EIF4G3: variants seen among roughly 807,000 people sequenced by gnomAD.
EIF4G3 encodes eukaryotic translation initiation factor 4 gamma 3, also known as eIF-4-gamma 3.
Under a neutral mutation model 186.4 loss-of-function variants are expected in EIF4G3, and 34 were observed. The ratio of observed to expected loss-of-function variants is 0.18; its 90% confidence interval spans 0.14 to 0.24. The LOEUF (loss-of-function observed/expected upper bound fraction) is 0.24. Among genes scored for constraint, EIF4G3 ranks in the 10% least tolerant of loss-of-function variants. The probability of loss-of-function intolerance (pLI) is 1.00; values close to 1 mark genes in which losing one functional copy is unlikely to be tolerated. For missense variants in EIF4G3, 1,536 were observed against 1,948.5 expected (o/e 0.79, Z 3.99); for synonymous variants, 673 against 679.5 (o/e 0.99, Z 0.15).
At chr1:20,839,715 C>T (rs906617765) in intron 30 of EIF4G3, among the ~76,000 whole-genome samples, 3 of 150,328 alleles carry the variant, frequency 2.0e-5, no homozygotes, top group African/African-American at 7.3e-5. Flanking sequence ...TTTCAGACTC[C>T]TGATCTCAAG....
intron 30 of EIF4G3, among the ~76,000 whole-genome samples, chr1:20,830,733 C>T (rs1437544672): frequency 6.6e-6 from 1 of 152,070 alleles, no homozygotes; most frequent in Admixed American, 6.6e-5. Context: ...TTTTTTATGC[C>T]TTGATCAGTC....
chr1:20,863,444 T>TC (rs1261172834), intron 22 of EIF4G3, among the ~76,000 whole-genome samples: 7 of 144,952 alleles, frequency 4.8e-5, no homozygotes, highest in South Asian at 2.1e-4. Flanking sequence ...TTTTTTTTTT[T>TC]CCTTTTTTTT....
At chr1:20,878,443 T>C (rs1191969127) in intron 20 of EIF4G3, among the ~76,000 whole-genome samples, 1 of 152,172 alleles carries the variant, frequency 6.6e-6, no homozygotes, top group African/African-American at 2.4e-5. Context: ...TTTTAAGTAA[T>C]TTTTTTCTTG....
chr1:20,969,518 T>C lies in EIF4G3; in HGVS notation c.670A>G (p.Thr224Ala). The change falls in exon 12 of 37, where the codon ACT (threonine) becomes GCT (alanine). Residue 224 changes from threonine to alanine, a missense_variant. Physicochemically the swap from Thr to Ala is moderately conservative, Grantham distance 58. Coordinates refer to ENST00000602326, the MANE Select transcript of EIF4G3 (RefSeq NM_001391906.1). ...GACGTGGGTCTTCCTATGGGTGGAG[T>C]AGGATTTCTGCTGCCACCTCCAGAC... ...IMSGGGSRNPTPPIGRPTSTP... is the reference protein window; with the variant it reads ...IMSGGGSRNPAPPIGRPTSTP... 1.2e-6 allele frequency: 2 copies of C among 1,613,918 alleles called. No homozygotes were observed. Among genetic ancestry groups the C allele is most frequent in the Admixed American group, 1.7e-5 (1 of 60,002 alleles).
At chr1:21,015,010 T>A (rs1332344479) in intron 4 of EIF4G3, among the ~76,000 whole-genome samples, 2 of 146,332 alleles carry the variant, frequency 1.4e-5, no homozygotes, top group Non-Finnish European at 3.0e-5. Context: ...AGGAGAGACC[T>A]AAATGAAATC....
chr1:20,817,333 G>A, intron 34 of EIF4G3, 59 bp downstream of exon 34: 1 of 1,217,140 alleles, frequency 8.2e-7, no homozygotes, highest in South Asian at 2.6e-5. Context: ...GCGAATTAAG[G>A]GGATCCCACA....
chr1:21,133,232 C>CT (rs938159102), intron 2 of EIF4G3, among the ~76,000 whole-genome samples: 154 of 149,114 alleles, frequency 1.0e-3, no homozygotes, highest in African/African-American at 3.4e-3. Context: ...AGCCTTCTTT[C>CT]TTTTTTTTTT....
At chr1:20,859,236 T>G (rs537510068) in intron 24 of EIF4G3, among the ~76,000 whole-genome samples, 2 of 152,222 alleles carry the variant, frequency 1.3e-5, no homozygotes, top group Admixed American at 6.5e-5. Context: ...ATATCCTCCA[T>G]GAATTAGGCT....
At chr1:20,924,036 T>C (rs1229098638) in intron 14 of EIF4G3, among the ~76,000 whole-genome samples, 1 of 152,184 alleles carries the variant, frequency 6.6e-6, no homozygotes, top group East Asian at 1.9e-4. Flanking sequence ...TTATCACATC[T>C]CTTTTGGCAC....
intron 4 of EIF4G3, among the ~76,000 whole-genome samples, chr1:21,037,172 G>C (rs1452309312): frequency 6.7e-6 from 1 of 148,440 alleles, no homozygotes; most frequent in East Asian, 2.0e-4. Context: ...CTCTTTTTAA[G>C]TTAAGCTTGT....
At chr1:20,980,269 C>A in intron 10 of EIF4G3, 65 bp downstream of exon 10, 1 of 1,188,258 alleles carries the variant, frequency 8.4e-7, no homozygotes, top group Non-Finnish European at 1.2e-6. Flanking sequence ...TAAACCAACC[C>A]ACCAAGCAAC....
chr1:20,947,035 C>G (rs2095981524), intron 13 of EIF4G3, among the ~76,000 whole-genome samples: 2 of 152,114 alleles, frequency 1.3e-5, no homozygotes, highest in South Asian at 4.1e-4. Context: ...CAAAAGGAAT[C>G]TACAGTGAAG....
chr1:20,994,795 A>G (rs1367837364), intron 7 of EIF4G3, among the ~76,000 whole-genome samples: 5 of 151,400 alleles, frequency 3.3e-5, no homozygotes, highest in Non-Finnish European at 7.4e-5. Context: ...CACCCAACTA[A>G]TTTTTGTATT....
At chr1:20,908,339 G>A (rs576351597) in intron 14 of EIF4G3, among the ~76,000 whole-genome samples, 5 of 152,222 alleles carry the variant, frequency 3.3e-5, no homozygotes, top group African/African-American at 1.2e-4. Context: ...TATGCTATTG[G>A]AACAAAATGT....
chr1:20,886,121 G>C, intron 19 of EIF4G3, 80 bp downstream of exon 19: 1 of 1,460,558 alleles, frequency 6.8e-7, no homozygotes, highest in Non-Finnish European at 9.3e-7. Flanking sequence ...ATTATCTCTA[G>C]AAACATTAGC....
intron 31 of EIF4G3, among the ~76,000 whole-genome samples, chr1:20,828,937 C>T (rs537514932): frequency 1.3e-5 from 2 of 152,178 alleles, no homozygotes; most frequent in African/African-American, 2.4e-5. Context: ...CCTCAACAGA[C>T]CACAGGGCTA....
chr1:21,092,933 T>G (rs532410658), intron 2 of EIF4G3, among the ~76,000 whole-genome samples: 4 of 152,228 alleles, frequency 2.6e-5, no homozygotes, highest in Admixed American at 2.6e-4. Flanking sequence ...TCCTTACACC[T>G]TACACAAAAA....
At chr1:21,068,394 A>AAAAAAAAAAAAAAAAAAAAAAAAAG (rs1572033310) in intron 3 of EIF4G3, among the ~76,000 whole-genome samples, 1 of 149,638 alleles carries the variant, frequency 6.7e-6, no homozygotes, top group Non-Finnish European at 1.5e-5. Flanking sequence ...AAAAAAAAAA[A>AAAAAAAAAAAAAAAAAAAAAAAAAG]AAAAAACAGA....
At chr1:20,916,696 G>C (rs574197743) in intron 14 of EIF4G3, among the ~76,000 whole-genome samples, 10 of 151,974 alleles carry the variant, frequency 6.6e-5, no homozygotes, top group Non-Finnish European at 1.0e-4. Context: ...CTTAATACTC[G>C]GATTTTAAGA....
Sources: allele counts gnomAD v4.1 joint callset (sites outside exome capture counted in the v4.1 genomes callset), GRCh38; gene constraint gnomAD v4.1.1; transcripts MANE v1.5; gene names NCBI Gene and HGNC (gene_info 2026-07-23, HGNC 2026-07-21).